Variants in DPP10 observed in about 807,000 individuals in gnomAD.
The protein encoded by DPP10 is inactive dipeptidyl peptidase 10.
DPP10 carries 33 observed loss-of-function variants against 120.9 expected under a neutral mutation model. That is an observed-to-expected ratio of 0.27 (90% CI 0.21 to 0.37). The LOEUF is 0.37. Ranked by LOEUF, DPP10 falls within the 10% of genes least tolerant of loss-of-function variation. The probability of loss-of-function intolerance (pLI) is 1.00; values close to 1 mark genes in which losing one functional copy is unlikely to be tolerated. For missense variants in DPP10, 816 were observed against 942.8 expected, an observed-to-expected ratio of 0.87 and a Z score of 1.76; for synonymous variants, 337 against 326.1, an observed-to-expected ratio of 1.03 and a Z score of -0.36.
Position 115,511,701 on chromosome 2 carries a change from T to TTTCTTC in DPP10, c.366+12124_366+12129dup, listed in dbSNP as rs565620236. Among the ~76,000 whole-genome samples the TTTCTTC allele has an allele frequency of 1.4e-3, 189 of 130,352 alleles. 2 individuals carry two copies. Among genetic ancestry groups the TTTCTTC allele is most frequent in the African/African-American group, 4.8e-3 (158 of 33,068 alleles). The allele number at this position is 130,352 out of a possible 152,430, so 85.5% of individuals were successfully genotyped here. ...ATTTTCTTCTTGCCCTTTTTTCTTCTTTCTTCTTCTTCTTCTTCTTCTTCT... is the reference window on the plus strand; with the variant it reads ...ATTTTCTTCTTGCCCTTTTTTCTTCTTTCTTCTTCTTCTTCTTCTTCTTCTTCTTCT... On this transcript the variant is annotated intron_variant, in intron 4 of 25. Coordinates refer to ENST00000410059, the MANE Select transcript of DPP10 (RefSeq NM_020868.6).
chr2:114,915,675 A>C (rs184747993), intron 1 of DPP10, among the ~76,000 whole-genome samples: 22 of 152,222 alleles, frequency 1.4e-4, no homozygotes, highest in African/African-American at 5.1e-4. Context: ...AATAGAAATC[A>C]ATACCAAGAA....
At chr2:115,558,115 C>T (rs1464301002) in intron 5 of DPP10, among the ~76,000 whole-genome samples, 5 of 152,086 alleles carry the variant, frequency 3.3e-5, no homozygotes, top group African/African-American at 1.2e-4. Context: ...CAAAATGGTA[C>T]TTGTCCTATT....
chr2:114,885,356 C>G (rs1280857860), intron 1 of DPP10, among the ~76,000 whole-genome samples: 1 of 152,132 alleles, frequency 6.6e-6, no homozygotes, highest in Non-Finnish European at 1.5e-5. Context: ...AATGCTAAAC[C>G]ATTTATAAGA....
At chr2:114,981,520 T>C (rs553700476) in intron 1 of DPP10, among the ~76,000 whole-genome samples, 1 of 152,328 alleles carries the variant, frequency 6.6e-6, no homozygotes, top group East Asian at 1.9e-4. Context: ...AATGGTATAC[T>C]CTAAATAGTC....
At chr2:114,920,319 A>G (rs1286103617) in intron 1 of DPP10, among the ~76,000 whole-genome samples, 1 of 152,228 alleles carries the variant, frequency 6.6e-6, no homozygotes, top group Non-Finnish European at 1.5e-5. Context: ...GGAAGAATGT[A>G]TAAGGCTGAT....
intron 1 of DPP10, among the ~76,000 whole-genome samples, chr2:114,953,571 T>C (rs1275122868): frequency 6.6e-6 from 1 of 152,084 alleles, no homozygotes; most frequent in Non-Finnish European, 1.5e-5. Flanking sequence ...ATTGTTATTA[T>C]TCTGAGCGAA....
At chr2:115,716,821 A>G (rs1048904010) in intron 7 of DPP10, among the ~76,000 whole-genome samples, 1 of 152,072 alleles carries the variant, frequency 6.6e-6, no homozygotes, top group Non-Finnish European at 1.5e-5. Flanking sequence ...TGCATGGGAG[A>G]TAACCAAGCC....
intron 5 of DPP10, among the ~76,000 whole-genome samples, chr2:115,581,454 G>A (rs538863131): frequency 6.6e-6 from 1 of 152,092 alleles, no homozygotes; most frequent in Non-Finnish European, 1.5e-5. Flanking sequence ...AAATGTGGTT[G>A]TATCAGAACT....
intron 1 of DPP10, among the ~76,000 whole-genome samples, chr2:114,822,777 T>C (rs970122828): frequency 6.6e-6 from 1 of 152,158 alleles, no homozygotes; most frequent in Non-Finnish European, 1.5e-5. Flanking sequence ...AGTTCAAACT[T>C]CCACAAATCT....
intron 1 of DPP10, among the ~76,000 whole-genome samples, chr2:114,688,116 A>G (rs1425076852): frequency 1.3e-5 from 2 of 151,894 alleles, no homozygotes; most frequent in Non-Finnish European, 2.9e-5. Flanking sequence ...ACACAATTCT[A>G]TTTTCTATAG....
At chr2:115,511,779 G>A (rs2077244709) in intron 4 of DPP10, among the ~76,000 whole-genome samples, 1 of 135,820 alleles carries the variant, frequency 7.4e-6, no homozygotes, top group African/African-American at 2.8e-5. Context: ...CTAGTCTGGA[G>A]TGTAGTGGTA....
At chr2:115,747,793 CTG>C (rs748929858) in intron 10 of DPP10, among the ~76,000 whole-genome samples, 11 of 152,136 alleles carry the variant, frequency 7.2e-5, no homozygotes, top group African/African-American at 1.4e-4. Flanking sequence ...TGGGGTTTCA[CTG>C]TGTTAGCCAG....
At chr2:115,779,042 C>T (rs1285974221) in intron 15 of DPP10, among the ~76,000 whole-genome samples, 2 of 152,036 alleles carry the variant, frequency 1.3e-5, no homozygotes, top group African/African-American at 4.8e-5. Context: ...GAGATAGAAA[C>T]ACTTTATATC....
chr2:114,716,964 A>T (rs1209369429), intron 1 of DPP10, among the ~76,000 whole-genome samples: 1 of 152,216 alleles, frequency 6.6e-6, no homozygotes, highest in Admixed American at 6.5e-5. Flanking sequence ...CAGCTTTAAA[A>T]CAAAGAAACA....
chr2:115,676,182 G>C (rs572626863), intron 5 of DPP10, among the ~76,000 whole-genome samples: 1 of 152,294 alleles, frequency 6.6e-6, no homozygotes, highest in African/African-American at 2.4e-5. Flanking sequence ...CTGAAGGCTG[G>C]TCTGCCTGGT....
intron 1 of DPP10, among the ~76,000 whole-genome samples, chr2:114,970,108 C>G (rs955098794): frequency 6.6e-6 from 1 of 152,084 alleles, no homozygotes; most frequent in African/African-American, 2.4e-5. Flanking sequence ...AAACTGGAAA[C>G]TTGGACAGCG....
intron 1 of DPP10, among the ~76,000 whole-genome samples, chr2:115,172,835 G>C (rs972524673): frequency 2.3e-4 from 35 of 152,200 alleles, no homozygotes; most frequent in African/African-American, 8.4e-4. Context: ...GTTCCCAGAA[G>C]TTGGAAACAC....
At chr2:114,583,296 C>A (rs1690692014) in intron 1 of DPP10, among the ~76,000 whole-genome samples, 1 of 150,976 alleles carries the variant, frequency 6.6e-6, no homozygotes, top group African/African-American at 2.5e-5. Flanking sequence ...GAAATTGGTG[C>A]CTGGCCTATG....
chr2:114,768,088 A>G (rs1305273917), intron 1 of DPP10, among the ~76,000 whole-genome samples: 1 of 149,888 alleles, frequency 6.7e-6, no homozygotes, highest in Non-Finnish European at 1.5e-5. Flanking sequence ...AGATTGTGCC[A>G]CTGCACTCCA....
Sources: gnomAD v4.1 joint callset for allele counts (sites outside exome capture counted in the v4.1 genomes callset) on GRCh38, gnomAD v4.1.1 for gene constraint, MANE v1.5 for transcripts, NCBI Gene and HGNC (gene_info 2026-07-23, HGNC 2026-07-21) for gene names.